DDX43: variants seen among roughly 807,000 people sequenced by gnomAD.
The protein encoded by DDX43 is probable ATP-dependent RNA helicase DDX43.
Under a neutral mutation model 84.9 loss-of-function variants are expected in DDX43, and 50 were observed. The observed-to-expected ratio is 0.59, with a 90% confidence interval of 0.47 to 0.75. The LOEUF (loss-of-function observed/expected upper bound fraction) is 0.75. Among genes scored for constraint, DDX43 ranks in the 30% least tolerant of loss-of-function variants. DDX43 has a pLI of 0.00. For missense variants in DDX43, 689 were observed against 798.6 expected (o/e 0.86, Z 1.65); for synonymous variants, 291 against 266.3 (o/e 1.09, Z -0.90).
chr6:73,412,673 G>GCA (rs769019741), intron 11 of DDX43, among the ~76,000 whole-genome samples: 5 of 110,136 alleles, frequency 4.5e-5, no homozygotes, highest in East Asian at 2.5e-4. Flanking sequence ...GTGTGTGCGC[G>GCA]CGCGCGTGTG....
At chr6:73,401,731 G>A (rs1040596110) in intron 3 of DDX43, 128 bp from the exon 4 acceptor site, 10 of 830,452 alleles carry the variant, frequency 1.2e-5, no homozygotes, top group Non-Finnish European at 1.7e-5. Context: ...GAACCCGGGA[G>A]GTGGAGCTTG....
chr6:73,396,859 T>C (rs1412839980), intron 1 of DDX43, among the ~76,000 whole-genome samples: 1 of 152,190 alleles, frequency 6.6e-6, no homozygotes, highest in African/African-American at 2.4e-5. Context: ...AAGAATAATA[T>C]CCTCCAGGCT....
In DDX43 at chr6:73,401,910, T is replaced by G; in HGVS notation, c.488T>G (p.Val163Gly). The G allele has an allele frequency of 6.2e-7, 1 of 1,613,492 alleles. No homozygotes were observed. Among genetic ancestry groups the G allele is most frequent in the Admixed American group, 1.7e-5 (1 of 60,010 alleles). ...VGKDGSTDNN[V>G]VAGDRPLIDW... is the part of the protein sequence containing the mutation. Reference sequence around the variant, plus strand: ...AAAGATGGAAGCACAGATAACAATGTTGTTGCAGGAGATCGGCCATTGATA... The same window carrying G: ...AAAGATGGAAGCACAGATAACAATGGTGTTGCAGGAGATCGGCCATTGATA... The change falls in exon 4 of 17, where the codon GTT (valine) becomes GGT (glycine). Residue 163 changes from valine (V) to glycine (G), a missense_variant. Transcript: ENST00000370336.
rs1303505255 is a variant in DDX43, at chr6:73,412,260, A to G, written c.1336A>G (p.Met446Val). The G allele has an allele frequency of 1.9e-6, 3 of 1,613,656 alleles. No individual in the cohort carries two copies. The highest frequency in any genetic ancestry group is 1.1e-5 in the South Asian group (1 of 90,970). ...RLAQSYLKEP[M>V]IVYVGTLDLV... is the part of the protein sequence containing the mutation. ...CGCACAATCTTATTTGAAAGAACCA[A>G]TGATTGTCTATGTTGGTACATTGGA... is the stretch of plus-strand genomic sequence containing the variant. Residue 446 changes from methionine to valine, a missense_variant, in exon 11 of 17, where the codon ATG becomes GTG. Around this residue, in one of 2 missense-constraint regions of DDX43, gnomAD observed 552 missense variants for 692.7 expected, o/e 0.80. Transcript: ENST00000370336.
chr6:73,404,645 A>G (rs754856727), intron 4 of DDX43, 45 bp from the exon 5 acceptor site: 51 of 1,371,374 alleles, frequency 3.7e-5, no homozygotes, highest in Non-Finnish European at 5.1e-5. Flanking sequence ...AGTATTCATG[A>G]TGCTGTAAAA....
chr6:73,416,691 G>C (rs1244444913), intron 16 of DDX43, among the ~76,000 whole-genome samples: 1 of 152,170 alleles, frequency 6.6e-6, no homozygotes, highest in Non-Finnish European at 1.5e-5. Context: ...GGTTACCAAG[G>C]ACTTGGAAAG....
intron 12 of DDX43, 66 bp downstream of exon 12, chr6:73,413,851 T>C: frequency 6.4e-7 from 1 of 1,556,704 alleles, no homozygotes; most frequent in East Asian, 2.3e-5. Flanking sequence ...TCTATTTGTA[T>C]ACTAATTCCA....
chr6:73,412,637 TA>T (rs1397151854), intron 11 of DDX43, among the ~76,000 whole-genome samples: 3 of 35,830 alleles, frequency 8.4e-5, no homozygotes, highest in East Asian at 2.1e-3. Context: ...TATATATATA[TA>T]GTGTGTGTGT....
chr6:73,398,607 G>A (rs73448600), intron 2 of DDX43, among the ~76,000 whole-genome samples: 4,871 of 152,080 alleles, frequency 0.032, 273 homozygotes, highest in African/African-American at 0.11. Context: ...TGGAATATTC[G>A]GAGGTAAAAA....
At chr6:73,397,927 A>C (rs1769503902) in intron 2 of DDX43, 183 bp downstream of exon 2, 6 of 440,706 alleles carry the variant, frequency 1.4e-5, no homozygotes, top group Admixed American at 1.2e-4. Context: ...CCTCCTGAGT[A>C]GCTGGAATTA....
chr6:73,410,273 TCTC>T lies in DDX43; in HGVS notation c.1280+928_1280+930del, dbSNP rs1303296414. Among the ~76,000 whole-genome samples, 3 of 152,178 alleles carry T rather than the reference TCTC, an allele frequency of 2.0e-5. No homozygotes were observed. In the East Asian group the frequency reaches 5.8e-4, roughly 29 times the overall value. On this transcript the variant is annotated intron_variant, in intron 10 of 16. Coordinates refer to ENST00000370336, the MANE Select transcript of DDX43 (RefSeq NM_018665.3). The stretch of plus-strand genomic sequence containing the variant: ...CCTCTGCCTCCCGGGTTCAAGCAAT[TCTC>T]CTGTCTCAGCCTCCTGAGTAGCTGG...
intron 14 of DDX43, among the ~76,000 whole-genome samples, chr6:73,415,015 G>A (rs1769874675): frequency 6.6e-6 from 1 of 151,996 alleles, no homozygotes; most frequent in African/African-American, 2.4e-5. Flanking sequence ...AGCTACCACT[G>A]GGCCGGGCAC....
chr6:73,398,505 G>T (rs562319089), intron 2 of DDX43, among the ~76,000 whole-genome samples: 17 of 152,312 alleles, frequency 1.1e-4, no homozygotes, highest in African/African-American at 4.1e-4. Context: ...GCCCACCTCT[G>T]CCTCCCAAAG....
intron 4 of DDX43, among the ~76,000 whole-genome samples, chr6:73,403,594 G>A (rs532003264): frequency 3.3e-5 from 5 of 152,296 alleles, no homozygotes; most frequent in African/African-American, 1.2e-4. Flanking sequence ...ACTATTATGT[G>A]TGGGAGTATA....
At position 73,413,640 on chromosome 6, in the gene DDX43, G is replaced by A. The variant is rs9442907; in HGVS notation, c.1369-18G>A. 0.17 allele frequency: 269,240 copies of A among 1,608,118 alleles called. 23,825 individuals are homozygous for A. Among genetic ancestry groups the A allele is most frequent in the Non-Finnish European group, 0.18 (216,437 of 1,177,138 alleles). On this transcript the variant is annotated intron_variant, in intron 11 of 16. Transcript: ENST00000370336. The stretch of plus-strand genomic sequence containing the variant: ...AATCATGATGACCTTGATGAACTAT[G>A]TTCTTTGAATCCTTTAGGCTGTAAG...
At chr6:73,415,759 C>T (rs1025072350) in intron 15 of DDX43, among the ~76,000 whole-genome samples, 175 bp downstream of exon 15, 1 of 152,066 alleles carries the variant, frequency 6.6e-6, no homozygotes, top group African/African-American at 2.4e-5. Flanking sequence ...GAAACTTAAC[C>T]TAATGGGGGT....
At chr6:73,415,964 A>AGATGGAT in intron 15 of DDX43, 149 bp from the exon 16 acceptor site, 1 of 585,124 alleles carries the variant, frequency 1.7e-6, no homozygotes, top group South Asian at 2.3e-5. Flanking sequence ...TATAGCCTGT[A>AGATGGAT]GATGGATGTA....
At chr6:73,411,856 C>T (rs1220499501) in intron 10 of DDX43, among the ~76,000 whole-genome samples, 1 of 152,142 alleles carries the variant, frequency 6.6e-6, no homozygotes, top group East Asian at 1.9e-4. Flanking sequence ...CGCTAACACA[C>T]CCAGCTGATT....
intron 5 of DDX43, 45 bp from the exon 6 acceptor site, chr6:73,405,634 G>A: frequency 6.3e-7 from 1 of 1,591,198 alleles, no homozygotes. Flanking sequence ...GTCTTGCTTG[G>A]GGAGTAAAGT....
Sources: gnomAD v4.1 joint callset for allele counts (sites outside exome capture counted in the v4.1 genomes callset) on GRCh38, gnomAD v4.1.1 for gene constraint, gnomAD v4.1.1 regional missense constraint, MANE v1.5 for transcripts, NCBI Gene and HGNC (gene_info 2026-07-23, HGNC 2026-07-21) for gene names.